Variants in NELL1 observed in about 807,000 individuals in gnomAD.
NELL1 encodes the protein neural EGFL like 1.
A neutral mutation model predicts 107.4 loss-of-function variants in NELL1; 76 were observed. The observed-to-expected ratio is 0.71, with a 90% confidence interval of 0.59 to 0.86. NELL1 has a LOEUF of 0.86. Among genes scored for constraint, NELL1 ranks in the 40% least tolerant of loss-of-function variants. The pLI is 0.00. For missense variants in NELL1, 1,024 were observed against 1,005.5 expected (o/e 1.02, Z -0.25); for synonymous variants, 353 against 341.2 (o/e 1.03, Z -0.38).
intron 2 of NELL1, among the ~76,000 whole-genome samples, chr11:20,755,220 C>T (rs7101392): frequency 6.6e-6 from 1 of 152,098 alleles, no homozygotes; most frequent in Admixed American, 6.6e-5. Context: ...AAAAACCCAG[C>T]TCATTTTGAC....
At chr11:20,674,945 C>T (rs1854015792) in intron 1 of NELL1, among the ~76,000 whole-genome samples, 1 of 152,148 alleles carries the variant, frequency 6.6e-6, no homozygotes, top group Admixed American at 6.5e-5. Flanking sequence ...ACCCCAAACT[C>T]AGTGGCTTAA....
At chr11:21,237,292 A>C (rs1207847282) in intron 14 of NELL1, among the ~76,000 whole-genome samples, 1 of 152,140 alleles carries the variant, frequency 6.6e-6, no homozygotes, top group Non-Finnish European at 1.5e-5. Context: ...CTTGTTACTT[A>C]GTTCTGTATA....
At chr11:21,187,022 C>T (rs1460487013) in intron 13 of NELL1, among the ~76,000 whole-genome samples, 2 of 151,738 alleles carry the variant, frequency 1.3e-5, no homozygotes, top group African/African-American at 2.4e-5. Context: ...AATAATATTC[C>T]GCTTGACAGG....
At chr11:20,716,831 G>A (rs1339642170) in intron 2 of NELL1, among the ~76,000 whole-genome samples, 2 of 152,174 alleles carry the variant, frequency 1.3e-5, no homozygotes, top group Non-Finnish European at 2.9e-5. Context: ...TAATGTATTA[G>A]AACAGCATTG....
intron 13 of NELL1, among the ~76,000 whole-genome samples, chr11:21,148,064 C>T (rs556004598): frequency 2.0e-5 from 3 of 151,940 alleles, no homozygotes; most frequent in South Asian, 2.1e-4. Flanking sequence ...TTCCTAGTAC[C>T]GTTTGACGAG....
At chr11:21,327,995 T>A (rs1590840994) in intron 14 of NELL1, among the ~76,000 whole-genome samples, 1 of 152,082 alleles carries the variant, frequency 6.6e-6, no homozygotes, top group African/African-American at 2.4e-5. Flanking sequence ...TGATTTACAA[T>A]GTGATGATGT....
At chr11:21,242,167 C>T (rs918542367) in intron 14 of NELL1, among the ~76,000 whole-genome samples, 2 of 151,998 alleles carry the variant, frequency 1.3e-5, no homozygotes, top group Non-Finnish European at 2.9e-5. Flanking sequence ...GATGCTGTAA[C>T]AGATAAACTC....
At chr11:21,004,558 G>C (rs561687705) in intron 12 of NELL1, among the ~76,000 whole-genome samples, 2 of 152,134 alleles carry the variant, frequency 1.3e-5, no homozygotes, top group African/African-American at 4.8e-5. Context: ...TCTCCACAGG[G>C]AGGTTTTCAG....
At chr11:21,192,087 C>T (rs1857061706) in intron 13 of NELL1, among the ~76,000 whole-genome samples, 1 of 151,734 alleles carries the variant, frequency 6.6e-6, no homozygotes, top group Non-Finnish European at 1.5e-5. Flanking sequence ...TTTTATAGCA[C>T]TTATATTTCC....
intron 16 of NELL1, among the ~76,000 whole-genome samples, chr11:21,543,339 G>A (rs1377413750): frequency 6.6e-6 from 1 of 151,978 alleles, no homozygotes. Flanking sequence ...GGAACTGTAA[G>A]GAATCAATAT....
At chr11:20,778,211 T>A (rs1179104481) in intron 2 of NELL1, among the ~76,000 whole-genome samples, 2 of 152,218 alleles carry the variant, frequency 1.3e-5, no homozygotes, top group Non-Finnish European at 2.9e-5. Context: ...TCTGTTTTTT[T>A]GTGCACTGCC....
intron 10 of NELL1, among the ~76,000 whole-genome samples, chr11:20,938,164 G>C (rs926417304): frequency 3.3e-5 from 5 of 152,128 alleles, no homozygotes; most frequent in African/African-American, 7.2e-5. Context: ...AAAGGGTTTT[G>C]AGTTGGTATT....
chr11:21,372,411 A>C (rs2133755487), intron 15 of NELL1, among the ~76,000 whole-genome samples: 1 of 152,180 alleles, frequency 6.6e-6, no homozygotes, highest in Admixed American at 6.6e-5. Flanking sequence ...ACTACTACTA[A>C]TGATATGTCA....
intron 3 of NELL1, among the ~76,000 whole-genome samples, chr11:20,785,052 T>G (rs1856926464): frequency 6.6e-6 from 1 of 152,182 alleles, no homozygotes; most frequent in Non-Finnish European, 1.5e-5. Context: ...ACAGGCAGAA[T>G]TCCAGCAGGT....
chr11:20,907,929 C>T (rs746119514), intron 5 of NELL1, among the ~76,000 whole-genome samples: 31 of 152,124 alleles, frequency 2.0e-4, no homozygotes, highest in African/African-American at 5.1e-4. Context: ...GACATTTACA[C>T]GGCCAAAAAA....
intron 3 of NELL1, among the ~76,000 whole-genome samples, chr11:20,828,644 C>A (rs1857936500): frequency 6.6e-6 from 1 of 152,200 alleles, no homozygotes; most frequent in Admixed American, 6.5e-5. Flanking sequence ...TGCCTTCTGG[C>A]CTTCCCACTC....
At chr11:21,146,319 A>G (rs1855977933) in intron 13 of NELL1, among the ~76,000 whole-genome samples, 3 of 152,182 alleles carry the variant, frequency 2.0e-5, no homozygotes, top group Non-Finnish European at 4.4e-5. Flanking sequence ...GATTAAGGAT[A>G]TAAAAAAGAA....
At chr11:20,816,795 T>G (rs1348670787) in intron 3 of NELL1, among the ~76,000 whole-genome samples, 1 of 152,190 alleles carries the variant, frequency 6.6e-6, no homozygotes, top group Non-Finnish European at 1.5e-5. Flanking sequence ...ATGGCTCTTA[T>G]TACTTTGATG....
chr11:21,370,166 G>A (rs948071215), intron 14 of NELL1, among the ~76,000 whole-genome samples: 7 of 152,066 alleles, frequency 4.6e-5, no homozygotes. Context: ...TGACAGCATA[G>A]CACTGGGAAG....
Sources: gnomAD v4.1 joint callset for allele counts (sites outside exome capture counted in the v4.1 genomes callset) on GRCh38, gnomAD v4.1.1 for gene constraint, MANE v1.5 for transcripts, NCBI Gene and HGNC (gene_info 2026-07-23, HGNC 2026-07-21) for gene names.